The following KCNMA1 variants were observed in gnomAD, a reference collection of about 807,000 sequenced individuals.
The protein encoded by KCNMA1 is Calcium-activated potassium channel subunit alpha-1.
A neutral mutation model predicts 140.0 loss-of-function variants in KCNMA1; 29 were observed. The observed-to-expected ratio is 0.21, with a 90% CI of 0.15 to 0.28. KCNMA1 has a LOEUF of 0.28. Ranked by LOEUF, KCNMA1 falls within the 10% of genes least tolerant of loss-of-function variation. The pLI, the probability that KCNMA1 is intolerant of heterozygous loss-of-function variation, is 1.00. For synonymous variants in KCNMA1, 612 were observed against 611.9 expected, an observed-to-expected ratio of 1.00 and a Z score of 0.00; for missense variants, 880 against 1,602.2, an observed-to-expected ratio of 0.55 and a Z score of 7.70.
At chr10:77,049,504 T>C (rs1367977147) in intron 14 of KCNMA1, among the ~76,000 whole-genome samples, 2 of 152,212 alleles carry the variant, frequency 1.3e-5, no homozygotes, top group African/African-American at 4.8e-5. Context: ...TGAGGTGGAA[T>C]TCCATTTCCG....
chr10:76,909,100 C>T (rs1202072856), intron 25 of KCNMA1, among the ~76,000 whole-genome samples: 1 of 152,226 alleles, frequency 6.6e-6, no homozygotes, highest in East Asian at 1.9e-4. Flanking sequence ...TCCCTCCTTC[C>T]AGCCAGGCCT....
chr10:77,131,234 C>T (rs1389608624), intron 5 of KCNMA1, among the ~76,000 whole-genome samples: 1 of 152,174 alleles, frequency 6.6e-6, no homozygotes, highest in Non-Finnish European at 1.5e-5. Flanking sequence ...TAGCATATCT[C>T]AGTACTCCCC....
At chr10:77,528,005 C>G (rs899561065) in intron 1 of KCNMA1, among the ~76,000 whole-genome samples, 20 of 152,108 alleles carry the variant, frequency 1.3e-4, no homozygotes, top group African/African-American at 4.6e-4. Context: ...ATTCCCAGAC[C>G]CTCTACTCAC....
At chr10:77,562,794 G>A (rs774528977) in intron 1 of KCNMA1, among the ~76,000 whole-genome samples, 3 of 152,216 alleles carry the variant, frequency 2.0e-5, no homozygotes, top group East Asian at 1.9e-4. Flanking sequence ...CTTAGATTCA[G>A]TTAGACACGT....
intron 3 of KCNMA1, among the ~76,000 whole-genome samples, chr10:77,240,619 G>A (rs2057025126): frequency 1.3e-5 from 2 of 152,282 alleles, no homozygotes; most frequent in South Asian, 2.1e-4. Flanking sequence ...TTTTGGATTT[G>A]AGGCCAATAT....
At chr10:77,592,731 T>C (rs1407779868) in intron 1 of KCNMA1, among the ~76,000 whole-genome samples, 1 of 152,190 alleles carries the variant, frequency 6.6e-6, no homozygotes, top group Non-Finnish European at 1.5e-5. Context: ...TACCCGTTTG[T>C]GCTTGTTCTT....
At chr10:77,114,171 C>T (rs1337007913) in intron 6 of KCNMA1, among the ~76,000 whole-genome samples, 1 of 152,166 alleles carries the variant, frequency 6.6e-6, no homozygotes, top group Non-Finnish European at 1.5e-5. Flanking sequence ...CCCCAAAAAC[C>T]TTATACCTAA....
chr10:77,176,525 C>A (rs1290230822), intron 5 of KCNMA1, among the ~76,000 whole-genome samples: 1 of 152,084 alleles, frequency 6.6e-6, no homozygotes, highest in Non-Finnish European at 1.5e-5. Context: ...ATAAGGCTCT[C>A]CCCAACGGTC....
At chr10:77,524,902 G>A (rs1465341934) in intron 1 of KCNMA1, among the ~76,000 whole-genome samples, 1 of 152,082 alleles carries the variant, frequency 6.6e-6, no homozygotes, top group Non-Finnish European at 1.5e-5. Context: ...TGGGGTCGAG[G>A]GCTGTCATGG....
At chr10:77,486,761 G>T (rs1043030249) in intron 1 of KCNMA1, among the ~76,000 whole-genome samples, 1 of 152,198 alleles carries the variant, frequency 6.6e-6, no homozygotes, top group Non-Finnish European at 1.5e-5. Flanking sequence ...AAAGCCCAAG[G>T]GTTTCTCCTG....
rs180682399 is a variant in KCNMA1 at position 77,402,961 on chromosome 10, G to T, written c.540+901C>A. The stretch of plus-strand genomic sequence containing the variant: ...AACTCCTGACCCAGAGCAGACCCAA[G>T]AAAGCAAGCTAGGGCTTTCCTAGAG... On this transcript the variant is annotated intron_variant, in intron 2 of 27. Transcript: ENST00000286628. Among the ~76,000 whole-genome samples the T allele has an allele frequency of 1.2e-4, 18 of 152,302 alleles. No individual in the cohort carries two copies. In the East Asian group the frequency reaches 3.1e-3, roughly 26 times the overall value.
intron 2 of KCNMA1, among the ~76,000 whole-genome samples, chr10:77,261,262 T>C (rs903829188): frequency 1.3e-5 from 2 of 152,176 alleles, no homozygotes; most frequent in Non-Finnish European, 2.9e-5. Flanking sequence ...TTAACTGCAA[T>C]CATGGACTTT....
At chr10:77,349,612 A>G (rs1196528013) in intron 2 of KCNMA1, among the ~76,000 whole-genome samples, 2 of 152,200 alleles carry the variant, frequency 1.3e-5, no homozygotes, top group African/African-American at 4.8e-5. Context: ...TTTCTCCCCT[A>G]TAAGAAACTT....
intron 15 of KCNMA1, among the ~76,000 whole-genome samples, chr10:77,037,211 ACT>A (rs1271034617): frequency 3.9e-5 from 6 of 152,098 alleles, no homozygotes; most frequent in African/African-American, 1.4e-4. Context: ...GGGTTGGCAA[ACT>A]CACACAACCA....
intron 1 of KCNMA1, among the ~76,000 whole-genome samples, chr10:77,625,168 C>A (rs951397881): frequency 2.6e-5 from 4 of 151,994 alleles, no homozygotes; most frequent in Non-Finnish European, 4.4e-5. Context: ...CTGAGGCGGG[C>A]GGATCACGAG....
At chr10:77,221,837 C>T (rs1287192815) in intron 3 of KCNMA1, among the ~76,000 whole-genome samples, 1 of 152,122 alleles carries the variant, frequency 6.6e-6, no homozygotes, top group African/African-American at 2.4e-5. Context: ...AGACTGTACC[C>T]ACCTAAACAC....
intron 3 of KCNMA1, among the ~76,000 whole-genome samples, chr10:77,231,161 T>C (rs1178497223): frequency 1.3e-5 from 2 of 152,168 alleles, no homozygotes; most frequent in Non-Finnish European, 2.9e-5. Flanking sequence ...TTCCTCTCCT[T>C]TATCATTTGT....
chr10:77,084,015 G>A (rs887531585), intron 12 of KCNMA1, among the ~76,000 whole-genome samples: 1 of 152,098 alleles, frequency 6.6e-6, no homozygotes, highest in Non-Finnish European at 1.5e-5. Flanking sequence ...CAGCCTAACT[G>A]GTCACTAAAT....
intron 3 of KCNMA1, among the ~76,000 whole-genome samples, chr10:77,203,005 C>A (rs2042938426): frequency 6.6e-6 from 1 of 152,174 alleles, no homozygotes; most frequent in East Asian, 1.9e-4. Flanking sequence ...CAGGAAGAGC[C>A]AATTCAATCC....
Sources: allele counts gnomAD v4.1 joint callset (sites outside exome capture counted in the v4.1 genomes callset), GRCh38; gene constraint gnomAD v4.1.1; transcripts MANE v1.5; gene names NCBI Gene and HGNC (gene_info 2026-07-23, HGNC 2026-07-21).